Variants in FLNB observed in about 807,000 individuals in gnomAD.
FLNB encodes filamin-B.
Under a neutral mutation model 250.6 loss-of-function variants are expected in FLNB, and 111 were observed. The ratio of observed to expected loss-of-function variants is 0.44; its 90% CI spans 0.38 to 0.52. The LOEUF (loss-of-function observed/expected upper bound fraction) is 0.52, where lower values mean the gene tolerates loss of function less well. Among genes scored for constraint, FLNB ranks in the 20% least tolerant of loss-of-function variants. The pLI is 0.00. For synonymous variants in FLNB, 1,302 were observed against 1,372.1 expected (o/e 0.95, Z 1.13); for missense variants, 2,869 against 3,447.8 (o/e 0.83, Z 4.20).
At chr3:58,048,478 A>G (rs1321999279) in intron 1 of FLNB, among the ~76,000 whole-genome samples, 3 of 152,158 alleles carry the variant, frequency 2.0e-5, no homozygotes, top group Admixed American at 6.5e-5. Context: ...TTCAAGTTGA[A>G]TATTTTTGGC....
At chr3:58,031,257 T>G (rs1482917942) in intron 1 of FLNB, among the ~76,000 whole-genome samples, 1 of 152,160 alleles carries the variant, frequency 6.6e-6, no homozygotes, top group Non-Finnish European at 1.5e-5. Flanking sequence ...TTATTTATCT[T>G]TTTCACATGG....
Position 58,106,855 on chromosome 3 carries a change from A to C in FLNB, c.1923A>C (p.Gly641=). Residue 641 remains glycine (G), a synonymous_variant, in exon 12 of 46, where the codon GGA becomes GGC. Transcript: ENST00000295956. ...TGGCCTTCATCCACCCAGCCACGGG[A>C]GGCTACAACCCTGATCTGGTGAATC... is the stretch of plus-strand genomic sequence containing the variant. ...PYMAFIHPAT[G]GYNPDLVRAY... 6.2e-7 allele frequency: 1 copy of C among 1,613,758 alleles called. No homozygotes were observed. Among genetic ancestry groups the C allele is most frequent in the Non-Finnish European group, 8.5e-7 (1 of 1,179,954 alleles).
chr3:58,098,068 G>T (rs1382877772), intron 7 of FLNB, 91 bp downstream of exon 7: 1 of 1,350,246 alleles, frequency 7.4e-7, no homozygotes, highest in Non-Finnish European at 1.1e-6. Context: ...CTGACCTTTT[G>T]TCTTTTAAAT....
chr3:58,151,417 AGC>A, intron 38 of FLNB: 4 of 132,194 alleles, frequency 3.0e-5, no homozygotes, highest in African/African-American at 1.2e-4. Context: ...AAAAAAAAAG[AGC>A]TGTACTGATC....
At chr3:58,094,702 G>A (rs1180468983) in intron 4 of FLNB, 134 bp from the exon 5 acceptor site, 1 of 799,716 alleles carries the variant, frequency 1.3e-6, no homozygotes, top group Non-Finnish European at 2.3e-6. Flanking sequence ...TGTCAAGGCA[G>A]TTTGTCCCCA....
chr3:58,148,749 GTCGGAGA>G lies in FLNB; in HGVS notation c.5990_5996del (p.Ser1997LeufsTer89), dbSNP rs1559730121. 6.2e-7 allele frequency: 1 copy of G among 1,614,086 alleles called. No homozygotes were observed. ...GCCCCGTGTCTATCATGGTGGTCCA[GTCGGAGA>G]TTGGTGACGCCCGCCGAGCCAAAGT... On this transcript the variant is annotated frameshift_variant, in exon 36 of 46. Transcript: ENST00000295956. LOFTEE classifies it high-confidence loss of function.
At chr3:58,105,310 C>A in intron 11 of FLNB, 94 bp downstream of exon 11, 1 of 1,529,842 alleles carries the variant, frequency 6.5e-7, no homozygotes, top group Non-Finnish European at 9.0e-7. Context: ...CTTGCCTAGC[C>A]TCAATACCTT....
Position 58,123,255 on chromosome 3 carries a change from G to A in FLNB, c.3289G>A (p.Val1097Ile), listed in dbSNP as rs144874876. ...CSDNGDGTCSVSYLPTKPGEY... is the reference protein window; with the variant it reads ...CSDNGDGTCSISYLPTKPGEY... ...CGACAATGGTGATGGGACCTGCTCC[G>A]TCTCTTACCTTCCCACAAAACCCGG... The change falls in exon 21 of 46, where the codon GTC (valine) becomes ATC (isoleucine). Residue 1097 changes from valine to isoleucine, a missense_variant. Val to Ile is a conservative substitution (Grantham distance 29, BLOSUM62 3). Transcript: ENST00000295956. 65 of 1,614,004 alleles carry A rather than the reference G, an allele frequency of 4.0e-5. No homozygotes were observed. The highest frequency in any genetic ancestry group is 4.9e-5 in the Non-Finnish European group (58 of 1,180,040).
chr3:58,056,971 A>G (rs2097171560), intron 1 of FLNB, among the ~76,000 whole-genome samples: 1 of 150,746 alleles, frequency 6.6e-6, no homozygotes, highest in African/African-American at 2.4e-5. Context: ...GAGAAAACTA[A>G]CCTATAACTC....
chr3:58,031,335 C>T (rs1028858176), intron 1 of FLNB, among the ~76,000 whole-genome samples: 6 of 152,044 alleles, frequency 3.9e-5, no homozygotes, highest in Non-Finnish European at 4.4e-5. Flanking sequence ...CTCCGCCTCC[C>T]GGGTTCGCGC....
chr3:58,130,805 C>A lies in FLNB; in HGVS notation c.4287C>A (p.Pro1429=). Reference sequence around the variant, plus strand: ...CCAGCAAGGTCAAGATTGCCGGCCCCGGGCTGGGCTCAGGCGTCCGAGCCC... The same window carrying A: ...CCAGCAAGGTCAAGATTGCCGGCCCAGGGCTGGGCTCAGGCGTCCGAGCCC... ...VDPSKVKIAG[P]GLGSGVRARV... Residue 1429 remains proline (P), a synonymous_variant, in exon 25 of 46, where the codon CCC becomes CCA. Coordinates refer to ENST00000295956, the MANE Select transcript of FLNB (RefSeq NM_001457.4). 5.0e-6 allele frequency: 8 copies of A among 1,613,884 alleles called. No homozygotes were observed. The highest frequency in any genetic ancestry group is 6.8e-6 in the Non-Finnish European group (8 of 1,179,954).
intron 1 of FLNB, among the ~76,000 whole-genome samples, chr3:58,056,687 C>T (rs9870223): frequency 0.026 from 3,893 of 150,904 alleles, 140 homozygotes; most frequent in African/African-American, 0.089. Flanking sequence ...CTGCAGTCGC[C>T]GCCTCCTGGG....
chr3:58,136,604 T>C (rs767889865), intron 28 of FLNB, among the ~76,000 whole-genome samples: 4 of 152,134 alleles, frequency 2.6e-5, no homozygotes, highest in Non-Finnish European at 5.9e-5. Flanking sequence ...GGATCTAGGT[T>C]TTTTTCATCA....
chr3:58,120,128 C>G (rs1307633512), intron 19 of FLNB, among the ~76,000 whole-genome samples: 2 of 152,218 alleles, frequency 1.3e-5, no homozygotes, highest in East Asian at 3.8e-4. Context: ...TGAGCATCTT[C>G]CTTCACTCGT....
chr3:58,081,561 T>A, intron 3 of FLNB, 68 bp from the exon 4 acceptor site: 1 of 1,492,946 alleles, frequency 6.7e-7, no homozygotes, highest in South Asian at 1.1e-5. Context: ...TTAAGAGGCA[T>A]TTGCAAACAC....
chr3:58,047,479 T>C (rs1473552333), intron 1 of FLNB, among the ~76,000 whole-genome samples: 1 of 152,142 alleles, frequency 6.6e-6, no homozygotes, highest in Non-Finnish European at 1.5e-5. Context: ...TAGCCAACTC[T>C]TATATAACCT....
chr3:58,112,359 G>T, intron 18 of FLNB, 41 bp downstream of exon 18: 1 of 1,599,754 alleles, frequency 6.3e-7, no homozygotes, highest in South Asian at 1.1e-5. Flanking sequence ...CCCCCAGCCA[G>T]GCCCCTTTCT....
chr3:58,163,593 G>A (rs1051394947), intron 43 of FLNB: 92 of 502,508 alleles, frequency 1.8e-4, no homozygotes, highest in Non-Finnish European at 6.1e-5. Flanking sequence ...CCTCTGCCAA[G>A]TTTCTTGACT....
chr3:58,068,981 T>C (rs1411474595), intron 1 of FLNB, among the ~76,000 whole-genome samples: 1 of 151,810 alleles, frequency 6.6e-6, no homozygotes, highest in Non-Finnish European at 1.5e-5. Flanking sequence ...ACCCTGTCTC[T>C]ATAAAAAATT....
Sources: allele counts gnomAD v4.1 joint callset (sites outside exome capture counted in the v4.1 genomes callset), GRCh38; gene constraint gnomAD v4.1.1; transcripts MANE v1.5; gene names NCBI Gene and HGNC (gene_info 2026-07-23, HGNC 2026-07-21).